ANKRD44: variants seen among roughly 807,000 people sequenced by gnomAD.
ANKRD44 encodes the protein ankyrin repeat domain 44.
Under a neutral mutation model 116.0 loss-of-function variants are expected in ANKRD44, and 35 were observed. That is an observed-to-expected ratio of 0.30 (90% CI 0.23 to 0.40). The LOEUF is 0.40. Among genes scored for constraint, ANKRD44 ranks in the 10% least tolerant of loss-of-function variants. The pLI is 1.00. For synonymous variants in ANKRD44, 435 were observed against 461.8 expected, an observed-to-expected ratio of 0.94 and a Z score of 0.74; for missense variants, 1,014 against 1,242.6, an observed-to-expected ratio of 0.82 and a Z score of 2.77.
chr2:197,110,889 G>T lies in ANKRD44; in HGVS notation c.907-45C>A, dbSNP rs370807391. 17 of 1,399,174 alleles carry T rather than the reference G, an allele frequency of 1.2e-5. No homozygotes were observed. In the African/African-American group the frequency reaches 1.7e-4, roughly 14 times the overall value. 86.7% of individuals were successfully genotyped at this position (1,399,174 alleles called of 1,614,324 possible). Reference sequence around the variant, plus strand: ...AGAAAAACAATGGAGGTGCTCATGAGCCAGTGACACCCATCTGAAATACCC... The same window carrying T: ...AGAAAAACAATGGAGGTGCTCATGATCCAGTGACACCCATCTGAAATACCC... On this transcript the variant is annotated intron_variant, in intron 8 of 27. Coordinates refer to ENST00000282272, the MANE Select transcript of ANKRD44 (RefSeq NM_001195144.2).
chr2:197,186,657 G>T (rs1201746780), intron 2 of ANKRD44, among the ~76,000 whole-genome samples: 1 of 85,112 alleles, frequency 1.2e-5, no homozygotes, highest in Non-Finnish European at 2.2e-5. Context: ...TAGAGACAGA[G>T]TTTCACCATG....
At chr2:197,233,299 G>A (rs764358912) in intron 1 of ANKRD44, among the ~76,000 whole-genome samples, 4 of 152,174 alleles carry the variant, frequency 2.6e-5, no homozygotes, top group South Asian at 2.1e-4. Context: ...ATGCAAGAGC[G>A]TTTGGTAGTG....
intron 3 of ANKRD44, among the ~76,000 whole-genome samples, chr2:197,146,139 A>G (rs1390069174): frequency 6.6e-6 from 1 of 152,266 alleles, no homozygotes; most frequent in African/African-American, 2.4e-5. Flanking sequence ...ATACATTGAA[A>G]AATAAAGACA....
chr2:196,971,418 G>A (rs967433839), intron 21 of ANKRD44, among the ~76,000 whole-genome samples: 6 of 152,122 alleles, frequency 3.9e-5, no homozygotes, highest in African/African-American at 1.4e-4. Context: ...GTGCAGTGGT[G>A]CGATCTCGGC....
At chr2:197,003,311 A>G (rs892277731) in intron 21 of ANKRD44, among the ~76,000 whole-genome samples, 3 of 149,568 alleles carry the variant, frequency 2.0e-5, no homozygotes, top group African/African-American at 7.4e-5. Flanking sequence ...ACACCCCTAG[A>G]AAAAAAAAAG....
At chr2:197,133,472 G>A (rs1157228759) in intron 4 of ANKRD44, among the ~76,000 whole-genome samples, 1 of 152,122 alleles carries the variant, frequency 6.6e-6, no homozygotes, top group Non-Finnish European at 1.5e-5. Context: ...TCTCATGGTG[G>A]TTCTGCTTCC....
At chr2:197,244,811 C>A (rs144215672) in intron 1 of ANKRD44, among the ~76,000 whole-genome samples, 18 of 152,300 alleles carry the variant, frequency 1.2e-4, no homozygotes, top group African/African-American at 4.1e-4. Context: ...GCAAAATGAC[C>A]TATCATATTC....
intron 21 of ANKRD44, among the ~76,000 whole-genome samples, chr2:196,977,204 T>C (rs922716724): frequency 1.3e-5 from 2 of 152,192 alleles, no homozygotes; most frequent in Non-Finnish European, 2.9e-5. Flanking sequence ...CCCATGTTCA[T>C]GGACCAGAAA....
At chr2:197,205,022 C>A (rs2081175611) in intron 1 of ANKRD44, among the ~76,000 whole-genome samples, 1 of 152,230 alleles carries the variant, frequency 6.6e-6, no homozygotes, top group African/African-American at 2.4e-5. Flanking sequence ...CTGATGTGCT[C>A]CAGCAAAGGC....
At chr2:197,245,856 A>G (rs1022815828) in intron 1 of ANKRD44, among the ~76,000 whole-genome samples, 1 of 152,274 alleles carries the variant, frequency 6.6e-6, no homozygotes, top group African/African-American at 2.4e-5. Context: ...CTAAGAAGGA[A>G]GAGAAATAAA....
Position 197,265,317 on chromosome 2 carries a change from G to A in ANKRD44, c.27+45261C>T, listed in dbSNP as rs546286722. 2.6e-5 allele frequency among the ~76,000 whole-genome samples: 4 copies of A among 151,426 alleles called. No homozygotes were observed. The East Asian group carries it at 7.8e-4, about 29-fold the overall frequency. On this transcript the variant is annotated intron_variant, in intron 1 of 27. Coordinates refer to ENST00000282272, the MANE Select transcript of ANKRD44 (RefSeq NM_001195144.2). ...GCTGAAGTGCAGTGGCATGATCTCA[G>A]CTCACTGCAACCTCTGCCTCCTGGG...
intron 1 of ANKRD44, among the ~76,000 whole-genome samples, chr2:197,248,574 G>GTATATATATATATATATATATATATATA (rs1237255982): frequency 1.7e-5 from 2 of 118,788 alleles, no homozygotes; most frequent in African/African-American, 5.7e-5. Flanking sequence ...GTGTGTGTGT[G>GTATATATATATATATATATATATATATA]TGTGTATATA....
Position 197,078,311 on chromosome 2 carries a change from AC to A in ANKRD44, c.1650+391del. On this transcript the variant is annotated intron_variant, in intron 16 of 27. Transcript: ENST00000282272. ...TTACCACACACACACACACACACAC[AC>A]ACACACACACACACGCATACACATT... 1.8e-5 allele frequency: 4 copies of A among 216,950 alleles called. No individual in the cohort carries two copies. In the South Asian group the frequency reaches 2.6e-4, roughly 14 times the overall value. 13.4% of individuals were successfully genotyped at this position (216,950 alleles called of 1,614,324 possible).
intron 1 of ANKRD44, among the ~76,000 whole-genome samples, chr2:197,247,247 T>C (rs533967071): frequency 6.6e-6 from 1 of 152,258 alleles, no homozygotes; most frequent in East Asian, 1.9e-4. Context: ...GAGAACTTAT[T>C]AGGTTAATTA....
Position 197,076,059 on chromosome 2 carries a change from C to T in ANKRD44, c.1650+2644G>A, listed in dbSNP as rs1418225619. Among the ~76,000 whole-genome samples, 7 of 152,282 alleles carry T rather than the reference C, an allele frequency of 4.6e-5. No individual in the cohort carries two copies. The South Asian group carries it at 6.2e-4, about 14-fold the overall frequency. Reference sequence around the variant, plus strand: ...ACCGGTAGTGAAGGCCAGAGGACCACACATACTCATTTACTCTCTCCATTC... The same window carrying T: ...ACCGGTAGTGAAGGCCAGAGGACCATACATACTCATTTACTCTCTCCATTC... On this transcript the variant is annotated intron_variant, in intron 16 of 27. Coordinates refer to ENST00000282272, the MANE Select transcript of ANKRD44 (RefSeq NM_001195144.2).
At chr2:197,080,586 T>C (rs1319530855) in intron 15 of ANKRD44, among the ~76,000 whole-genome samples, 1 of 152,212 alleles carries the variant, frequency 6.6e-6, no homozygotes, top group Non-Finnish European at 1.5e-5. Context: ...TTTAATATTG[T>C]TATTTTAAAT....
At chr2:197,157,706 C>T (rs1021384868) in intron 2 of ANKRD44, among the ~76,000 whole-genome samples, 3 of 148,064 alleles carry the variant, frequency 2.0e-5, no homozygotes, top group African/African-American at 7.4e-5. Context: ...AAGGTACAAC[C>T]AAGATTCCTC....
chr2:197,251,059 T>TACA, intron 1 of ANKRD44: 1 of 152,352 alleles, frequency 6.6e-6, no homozygotes, highest in South Asian at 2.1e-4. Flanking sequence ...ATTTTATTTA[T>TACA]TAACAATATA....
chr2:197,256,804 A>C (rs1294206729), intron 1 of ANKRD44, among the ~76,000 whole-genome samples: 2 of 152,210 alleles, frequency 1.3e-5, no homozygotes, highest in Non-Finnish European at 2.9e-5. Flanking sequence ...GCTCCTGTGC[A>C]ATGGGAGGCA....
Sources: allele counts gnomAD v4.1 joint callset (sites outside exome capture counted in the v4.1 genomes callset), GRCh38; gene constraint gnomAD v4.1.1; transcripts MANE v1.5; gene names NCBI Gene and HGNC (gene_info 2026-07-23, HGNC 2026-07-21).